Variants in RORA observed in about 807,000 individuals in gnomAD.
RORA encodes the protein RAR related orphan receptor A.
Under a neutral mutation model 69.5 loss-of-function variants are expected in RORA, and 7 were observed. The ratio of observed to expected loss-of-function variants is 0.10; its 90% confidence interval spans 0.06 to 0.19. The LOEUF (loss-of-function observed/expected upper bound fraction) is 0.19. Among genes scored for constraint, RORA ranks in the 10% least tolerant of loss-of-function variants. RORA has a pLI of 1.00. For synonymous variants in RORA, 261 were observed against 240.8 expected (o/e 1.08, Z -0.78); for missense variants, 457 against 663.0 (o/e 0.69, Z 3.41).
intron 1 of RORA, among the ~76,000 whole-genome samples, chr15:60,831,299 G>A (rs1450441964): frequency 6.6e-6 from 1 of 152,156 alleles, no homozygotes; most frequent in Non-Finnish European, 1.5e-5. Context: ...AGAACAGCCA[G>A]GACAAAGATG....
intron 1 of RORA, among the ~76,000 whole-genome samples, chr15:60,771,487 T>G (rs1312012869): frequency 2.0e-5 from 3 of 152,222 alleles, no homozygotes; most frequent in Non-Finnish European, 4.4e-5. Flanking sequence ...TTGTGCACTT[T>G]GCAGTGTCCA....
At chr15:61,059,004 G>A (rs1055523415) in intron 1 of RORA, among the ~76,000 whole-genome samples, 2 of 152,142 alleles carry the variant, frequency 1.3e-5, no homozygotes, top group African/African-American at 4.8e-5. Context: ...ATTTTGGAGA[G>A]TGAGGTCATC....
intron 1 of RORA, among the ~76,000 whole-genome samples, chr15:60,980,659 T>C (rs1314182093): frequency 2.0e-5 from 3 of 152,142 alleles, no homozygotes; most frequent in African/African-American, 4.8e-5. Flanking sequence ...TCCAGTTTGC[T>C]GGTATATAGT....
intron 2 of RORA, chr15:60,627,169 G>T: frequency 1.4e-6 from 2 of 1,393,538 alleles, no homozygotes; most frequent in Non-Finnish European, 2.0e-6. Flanking sequence ...CAGACATTGG[G>T]TTGTGGGTGG....
At position 60,511,473 on chromosome 15, in the gene RORA, G is replaced by C. The variant is rs150805444; in HGVS notation, c.573C>G (p.Asn191Lys). 6.2e-7 allele frequency: 1 copy of C among 1,614,064 alleles called. No homozygotes were observed. The highest frequency in any genetic ancestry group is 8.5e-7 in the Non-Finnish European group (1 of 1,180,036). The stretch of plus-strand genomic sequence containing the variant: ...GGTCGTCGTGAAGTTCCGTCAGCCC[G>C]TTGGCCGAGATGTTGTAGGTGGGCG... ...PLTPTYNISA[N>K]GLTELHDDLS... is the part of the protein sequence containing the mutation. Residue 191 changes from asparagine to lysine, a missense_variant, in exon 5 of 11, where the codon AAC (asparagine) becomes AAG (lysine). This residue lies in a region of RORA where 304 missense variants were observed against 447.4 expected (regional missense o/e 0.68). Coordinates refer to ENST00000335670, the MANE Select transcript of RORA (RefSeq NM_134261.3). The surrounding 1 kb of genome is among the most constrained non-coding windows in gnomAD (Gnocchi z 6.4).
chr15:60,676,800 C>T (rs1455228116), intron 2 of RORA, among the ~76,000 whole-genome samples: 1 of 152,210 alleles, frequency 6.6e-6, no homozygotes, highest in African/African-American at 2.4e-5. Context: ...TGAATTTAAA[C>T]TCAACCACAG....
At chr15:60,998,971 G>A (rs1040518001) in intron 1 of RORA, among the ~76,000 whole-genome samples, 1 of 152,090 alleles carries the variant, frequency 6.6e-6, no homozygotes, top group African/African-American at 2.4e-5. Flanking sequence ...AGAGGTTGAA[G>A]ACAGCTAAAC....
At chr15:60,599,779 T>C (rs1235408170) in intron 2 of RORA, among the ~76,000 whole-genome samples, 1 of 152,162 alleles carries the variant, frequency 6.6e-6, no homozygotes, top group Non-Finnish European at 1.5e-5. Context: ...TTTGAAAAAA[T>C]AATTGGAGGT....
chr15:60,596,102 T>C (rs1415674648), intron 2 of RORA, among the ~76,000 whole-genome samples: 1 of 152,194 alleles, frequency 6.6e-6, no homozygotes, highest in African/African-American at 2.4e-5. Flanking sequence ...TGAGCGTATA[T>C]TTTGTTTTTC....
chr15:60,535,333 T>C (rs79166023), intron 2 of RORA, among the ~76,000 whole-genome samples: 3,606 of 152,348 alleles, frequency 0.024, 124 homozygotes, highest in African/African-American at 0.074. Flanking sequence ...AATCTTGCTA[T>C]GAAAAATTCT....
chr15:60,732,005 T>C (rs1244064356), intron 1 of RORA, among the ~76,000 whole-genome samples: 2 of 152,152 alleles, frequency 1.3e-5, no homozygotes, highest in Non-Finnish European at 2.9e-5. Context: ...AGGGAGAGCA[T>C]TGAGTAACCA....
At chr15:61,037,811 G>A (rs1896535464) in intron 1 of RORA, among the ~76,000 whole-genome samples, 1 of 152,168 alleles carries the variant, frequency 6.6e-6, no homozygotes, top group South Asian at 2.1e-4. Flanking sequence ...GAAGATGGAA[G>A]AAGGCCATGC....
intron 1 of RORA, among the ~76,000 whole-genome samples, chr15:60,909,651 T>G (rs181212674): frequency 6.6e-6 from 1 of 152,286 alleles, no homozygotes; most frequent in African/African-American, 2.4e-5. Flanking sequence ...GAAGAGCAGG[T>G]TGAAGGTTCT....
At chr15:61,218,360 T>C (rs141859313) in intron 1 of RORA, among the ~76,000 whole-genome samples, 152 of 152,280 alleles carry the variant, frequency 1.0e-3, no homozygotes, top group Admixed American at 2.3e-3. Context: ...AATGTGCCTG[T>C]CAAGTGGTAT....
intron 1 of RORA, among the ~76,000 whole-genome samples, chr15:60,743,709 T>C (rs553438691): frequency 6.6e-6 from 1 of 152,356 alleles, no homozygotes; most frequent in South Asian, 2.1e-4. Context: ...ACTCTGATTC[T>C]AAGCCCAAAT....
intron 1 of RORA, among the ~76,000 whole-genome samples, chr15:60,955,946 G>A (rs1281779276): frequency 6.6e-6 from 1 of 152,220 alleles, no homozygotes; most frequent in Non-Finnish European, 1.5e-5. Flanking sequence ...AAGCTTTTGA[G>A]CAGGATGGTA....
intron 1 of RORA, among the ~76,000 whole-genome samples, chr15:61,011,051 C>A (rs530288845): frequency 1.3e-5 from 2 of 152,182 alleles, no homozygotes; most frequent in South Asian, 2.1e-4. Flanking sequence ...AAGTCAAGTG[C>A]GAAGGCAAAG....
intron 1 of RORA, among the ~76,000 whole-genome samples, chr15:60,691,206 C>G (rs542860643): frequency 6.6e-6 from 1 of 152,316 alleles, no homozygotes; most frequent in East Asian, 1.9e-4. Context: ...CAGCTCTCAT[C>G]TCCTGCTAGA....
At chr15:61,014,616 A>C (rs1895216254) in intron 1 of RORA, among the ~76,000 whole-genome samples, 1 of 152,250 alleles carries the variant, frequency 6.6e-6, no homozygotes, top group Non-Finnish European at 1.5e-5. Flanking sequence ...CAGGTTAACT[A>C]GGGTCATAAG....
Sources: allele counts gnomAD v4.1 joint callset (sites outside exome capture counted in the v4.1 genomes callset), GRCh38; gene constraint gnomAD v4.1.1; regional missense constraint gnomAD v4.1.1; non-coding constraint Gnocchi (gnomAD v3.1); transcripts MANE v1.5; gene names NCBI Gene and HGNC (gene_info 2026-07-23, HGNC 2026-07-21).